Variants in SLC9A9 observed in about 807,000 individuals in gnomAD.
SLC9A9 encodes the protein solute carrier family 9 member A9.
A neutral mutation model predicts 77.8 loss-of-function variants in SLC9A9; 62 were observed. The ratio of observed to expected loss-of-function variants is 0.80; its 90% CI spans 0.65 to 0.98. SLC9A9 has a LOEUF of 0.98. Ranked by LOEUF, SLC9A9 falls within the 50% of genes least tolerant of loss-of-function variation. The pLI is 0.00. For synonymous variants in SLC9A9, 320 were observed against 283.5 expected (o/e 1.13, Z -1.29); for missense variants, 775 against 774.9 (o/e 1.00, Z 0.00).
At chr3:143,626,782 A>T (rs2038336803) in intron 6 of SLC9A9, 1 of 152,158 alleles carries the variant, frequency 6.6e-6, no homozygotes, top group Non-Finnish European at 1.5e-5. Flanking sequence ...TAAAAAAAAG[A>T]AATAGGAGAA....
At chr3:143,368,701 A>C (rs1252993826) in intron 13 of SLC9A9, among the ~76,000 whole-genome samples, 1 of 152,202 alleles carries the variant, frequency 6.6e-6, no homozygotes, top group East Asian at 1.9e-4. Flanking sequence ...AGAATTTGCT[A>C]TCAATACGTT....
At chr3:143,662,347 C>T (rs150511132) in intron 5 of SLC9A9, among the ~76,000 whole-genome samples, 18 of 152,272 alleles carry the variant, frequency 1.2e-4, no homozygotes, top group East Asian at 1.9e-4. Flanking sequence ...TCAAGATGGC[C>T]GAATAGGAAT....
At chr3:143,466,203 C>G (rs766609832) in intron 12 of SLC9A9, among the ~76,000 whole-genome samples, 17 of 152,112 alleles carry the variant, frequency 1.1e-4, no homozygotes, top group Non-Finnish European at 1.6e-4. Context: ...ATAAATCTGT[C>G]TTATAGATAA....
intron 11 of SLC9A9, among the ~76,000 whole-genome samples, chr3:143,469,319 C>T (rs181296267): frequency 7.5e-4 from 114 of 152,216 alleles, no homozygotes; most frequent in Admixed American, 1.4e-3. Flanking sequence ...GGGTAACACA[C>T]GACATGCAAG....
In SLC9A9 at chr3:143,491,615, G is replaced by A. The variant is rs115455961; in HGVS notation, c.1315+2038C>T. ...TTATTGGCCTCTACCAGGTTTTAACGCAGCTCCAATACTACCGTTAAACAA... is the reference window on the plus strand; with the variant it reads ...TTATTGGCCTCTACCAGGTTTTAACACAGCTCCAATACTACCGTTAAACAA... On this transcript the variant is annotated intron_variant, in intron 11 of 15. Transcript: ENST00000316549. Among the ~76,000 whole-genome samples, 749 of 152,176 alleles carry A rather than the reference G, an allele frequency of 4.9e-3. 4 individuals carry two copies. Among genetic ancestry groups the A allele is most frequent in the African/African-American group, 0.017 (713 of 41,530 alleles).
intron 11 of SLC9A9, among the ~76,000 whole-genome samples, chr3:143,471,372 G>C (rs892019137): frequency 6.6e-6 from 1 of 152,176 alleles, no homozygotes; most frequent in African/African-American, 2.4e-5. Context: ...TGTGTGTATT[G>C]ATTACCTCCT....
chr3:143,289,036 TGA>T (rs1297834044), intron 14 of SLC9A9, among the ~76,000 whole-genome samples: 1 of 152,168 alleles, frequency 6.6e-6, no homozygotes. Flanking sequence ...TGTGAATGAC[TGA>T]GAGCATCCAC....
chr3:143,476,429 C>A (rs986702636), intron 11 of SLC9A9, among the ~76,000 whole-genome samples: 1 of 152,114 alleles, frequency 6.6e-6, no homozygotes, highest in Non-Finnish European at 1.5e-5. Context: ...TTTTAGAAGC[C>A]CTGGGTAGCC....
intron 14 of SLC9A9, among the ~76,000 whole-genome samples, chr3:143,353,488 C>T (rs1228700013): frequency 2.6e-5 from 4 of 152,220 alleles, no homozygotes; most frequent in Admixed American, 2.6e-4. Context: ...AACGGGTCCT[C>T]ACCAGACATG....
At chr3:143,699,435 G>A (rs763234500) in intron 4 of SLC9A9, among the ~76,000 whole-genome samples, 1 of 152,174 alleles carries the variant, frequency 6.6e-6, no homozygotes, top group Non-Finnish European at 1.5e-5. Context: ...GTAGGAGACA[G>A]TTCTGAAATG....
At chr3:143,468,580 A>G (rs1489012915) in intron 11 of SLC9A9, among the ~76,000 whole-genome samples, 5 of 152,218 alleles carry the variant, frequency 3.3e-5, no homozygotes, top group South Asian at 4.1e-4. Flanking sequence ...GCATTTCCAT[A>G]AAATTTTAGA....
At position 143,480,355 on chromosome 3, in the gene SLC9A9, A is replaced by G. The variant is rs148830957; in HGVS notation, c.1316-13165T>C. Among the ~76,000 whole-genome samples, 28 of 152,348 alleles carry G rather than the reference A, an allele frequency of 1.8e-4. 1 individual carries two copies. The East Asian group carries it at 5.4e-3, about 29-fold the overall frequency. On this transcript the variant is annotated intron_variant, in intron 11 of 15. Transcript: ENST00000316549. ...CTAAGCTATTTCTCAGATATTCTGA[A>G]TTCATCATAATCACATAACCTTTTC...
At chr3:143,375,744 T>C (rs1171829095) in intron 13 of SLC9A9, among the ~76,000 whole-genome samples, 2 of 152,170 alleles carry the variant, frequency 1.3e-5, no homozygotes, top group Non-Finnish European at 2.9e-5. Flanking sequence ...CACAGACTTG[T>C]GAGATAAGTA....
chr3:143,310,849 G>C (rs1337313472), intron 14 of SLC9A9, among the ~76,000 whole-genome samples: 4 of 152,174 alleles, frequency 2.6e-5, no homozygotes, highest in Non-Finnish European at 5.9e-5. Context: ...CAGAGAATCA[G>C]AAGGAAAATT....
chr3:143,619,288 T>G (rs2038157780), intron 6 of SLC9A9, among the ~76,000 whole-genome samples: 1 of 152,204 alleles, frequency 6.6e-6, no homozygotes, highest in Non-Finnish European at 1.5e-5. Flanking sequence ...GAACTTGTCA[T>G]AAATGTTCTA....
intron 6 of SLC9A9, among the ~76,000 whole-genome samples, chr3:143,624,428 G>A (rs964397510): frequency 6.6e-6 from 1 of 152,130 alleles, no homozygotes; most frequent in Non-Finnish European, 1.5e-5. Flanking sequence ...TGATCAAGTG[G>A]GCTTCATCCC....
chr3:143,624,794 G>C (rs189729206), intron 6 of SLC9A9, among the ~76,000 whole-genome samples: 2 of 152,200 alleles, frequency 1.3e-5, no homozygotes, highest in East Asian at 1.9e-4. Context: ...AGAAATAAAG[G>C]GTATTCAATT....
chr3:143,446,430 A>T (rs769224902), intron 12 of SLC9A9, among the ~76,000 whole-genome samples: 2 of 152,108 alleles, frequency 1.3e-5, no homozygotes, highest in African/African-American at 2.4e-5. Context: ...GAGGAGAGAA[A>T]GTTGGAACCT....
intron 5 of SLC9A9, among the ~76,000 whole-genome samples, chr3:143,661,615 C>T (rs1176160393): frequency 2.0e-5 from 3 of 152,208 alleles, no homozygotes; most frequent in Admixed American, 6.5e-5. Context: ...AAAACATCTC[C>T]AGTCCCCTTC....
Sources: gnomAD v4.1 joint callset for allele counts (sites outside exome capture counted in the v4.1 genomes callset) on GRCh38, gnomAD v4.1.1 for gene constraint, MANE v1.5 for transcripts, NCBI Gene and HGNC (gene_info 2026-07-23, HGNC 2026-07-21) for gene names.